The following DAAM2 variants were observed in gnomAD, a reference collection of about 807,000 sequenced individuals.
DAAM2 encodes disheveled-associated activator of morphogenesis 2.
A neutral mutation model predicts 120.7 loss-of-function variants in DAAM2; 39 were observed. That is an observed-to-expected ratio of 0.32 (90% CI 0.25 to 0.42). The LOEUF is 0.42. Among genes scored for constraint, DAAM2 ranks in the 10% least tolerant of loss-of-function variants. The probability of loss-of-function intolerance (pLI) is 1.00; values close to 1 mark genes in which losing one functional copy is unlikely to be tolerated. For synonymous variants in DAAM2, 488 were observed against 524.9 expected, an observed-to-expected ratio of 0.93 and a Z score of 0.96; for missense variants, 1,283 against 1,401.7, an observed-to-expected ratio of 0.92 and a Z score of 1.35.
Position 39,884,080 on chromosome 6 carries a change from A to C in DAAM2, c.1953+11A>C. 2 of 1,465,328 alleles carry C rather than the reference A, an allele frequency of 1.4e-6. No individual in the cohort carries two copies. The highest frequency in any genetic ancestry group is 1.9e-6 in the Non-Finnish European group (2 of 1,050,400). 90.8% of individuals were successfully genotyped at this position (1,465,328 alleles called of 1,614,324 possible). ...TACCAGAGGCACCAGGTAAGACCCT[A>C]TACCCTCTGGCCTCTTGGACCATAC... On this transcript the variant is annotated intron_variant, in intron 15 of 24. Transcript: ENST00000274867.
At position 39,896,960 on chromosome 6, in the gene DAAM2, C is replaced by T. The variant is rs768458774; in HGVS notation, c.2490C>T (p.Asp830=). 10 of 1,610,586 alleles carry T rather than the reference C, an allele frequency of 6.2e-6. No individual in the cohort carries two copies. Among genetic ancestry groups the T allele is most frequent in the South Asian group, 1.1e-5 (1 of 90,420 alleles). The change falls in exon 20 of 25, where the codon GAC becomes GAT. Residue 830 remains aspartate, a synonymous_variant. Transcript: ENST00000274867. Reference sequence around the variant, plus strand: ...TGGCCAGCCTCAACAAGATCGCTGACACCAAGTCCAGCATCGACAGGTGAG... The same window carrying T: ...TGGCCAGCCTCAACAAGATCGCTGATACCAAGTCCAGCATCGACAGGTGAG... The part of the protein sequence containing the change: ...FRVASLNKIA[D]TKSSIDRNIS...
intron 15 of DAAM2, chr6:39,886,472 C>A: frequency 2.5e-6 from 1 of 399,392 alleles, no homozygotes; most frequent in South Asian, 1.3e-4. Flanking sequence ...GGGCTCTGAC[C>A]ACTCCAACTT....
At chr6:39,870,796 G>A (rs1019496175) in intron 8 of DAAM2, among the ~76,000 whole-genome samples, 2 of 152,294 alleles carry the variant, frequency 1.3e-5, no homozygotes, top group African/African-American at 2.4e-5. Flanking sequence ...TAAATGTCCC[G>A]CAGTACCTTC....
Position 39,868,854 on chromosome 6 carries a change from G to C in DAAM2, c.794G>C (p.Gly265Ala). The C allele has an allele frequency of 6.3e-7, 1 of 1,586,376 alleles. No homozygotes were observed. The highest frequency in any genetic ancestry group is 8.6e-7 in the Non-Finnish European group (1 of 1,166,314). ...TLLNELDRSL[G>A]RYRDEVNLKT... ...CTGAACGAGCTAGACCGAAGTCTGGGCCGGTACCGGGATGAAGTGAATCTG... is the reference window on the plus strand; with the variant it reads ...CTGAACGAGCTAGACCGAAGTCTGGCCCGGTACCGGGATGAAGTGAATCTG... The change falls in exon 7 of 25, where the codon GGC (glycine) becomes GCC (alanine). Residue 265 changes from glycine (G) to alanine (A), a missense_variant. Physicochemically the swap from Gly to Ala is moderately conservative, Grantham distance 60. Around this residue, in one of 3 missense-constraint regions of DAAM2, gnomAD observed 338 missense variants for 443.9 expected, o/e 0.76. Coordinates refer to ENST00000274867, the MANE Select transcript of DAAM2 (RefSeq NM_001201427.2).
chr6:39,871,607 G>C (rs774758573), intron 9 of DAAM2, 35 bp downstream of exon 9: 1 of 1,538,722 alleles, frequency 6.5e-7, no homozygotes, highest in South Asian at 1.2e-5. Context: ...ATTGCAATGG[G>C]GTAGTAGGGT....
Position 39,879,587 on chromosome 6 carries a change from G to GT in DAAM2, c.1845+111dup, listed in dbSNP as rs764731004. Reference sequence around the variant, plus strand: ...ATCTCCACTCTGGGTCCTTTCTTTGGTGGGGGGTAAGGGCAGTCATGTGGA... The same window carrying GT: ...ATCTCCACTCTGGGTCCTTTCTTTGGTTGGGGGGTAAGGGCAGTCATGTGGA... On this transcript the variant is annotated intron_variant, in intron 14 of 24. Coordinates refer to ENST00000274867, the MANE Select transcript of DAAM2 (RefSeq NM_001201427.2). 122 of 1,463,466 alleles carry GT rather than the reference G, an allele frequency of 8.3e-5. 2 individuals are homozygous for GT. The South Asian group carries it at 1.3e-3, about 16-fold the overall frequency. 90.7% of individuals were successfully genotyped at this position (1,463,466 alleles called of 1,614,324 possible).
intron 19 of DAAM2, among the ~76,000 whole-genome samples, chr6:39,894,647 G>C (rs1765960890): frequency 6.6e-6 from 1 of 151,608 alleles, no homozygotes; most frequent in South Asian, 2.1e-4. Flanking sequence ...TTGAGACAGG[G>C]TCCTGCCCTG....
In DAAM2 at chr6:39,827,813, A is replaced by G. The variant is rs187382931; in HGVS notation, c.-56-28434A>G. ...AGAATTCAAGGGGTATAGTCCCTTC[A>G]TGTCTGAGCCCTGGAGTACTTCTTG... On this transcript the variant is annotated intron_variant, in intron 1 of 24. Coordinates refer to ENST00000274867, the MANE Select transcript of DAAM2 (RefSeq NM_001201427.2). Among the ~76,000 whole-genome samples the G allele has an allele frequency of 2.0e-5, 3 of 149,142 alleles. No individual in the cohort carries two copies. The East Asian group carries it at 5.9e-4, about 29-fold the overall frequency.
chr6:39,861,260 G>T (rs1262222571), intron 3 of DAAM2: 2 of 546,294 alleles, frequency 3.7e-6, no homozygotes, highest in Non-Finnish European at 6.8e-6. Flanking sequence ...TCCCAGGACT[G>T]GGGCTTGCTG....
chr6:39,831,198 A>G (rs1049277454), intron 1 of DAAM2, among the ~76,000 whole-genome samples: 1 of 152,176 alleles, frequency 6.6e-6, no homozygotes, highest in Admixed American at 6.5e-5. Flanking sequence ...CCCATGGAAT[A>G]TACATTCTTG....
intron 1 of DAAM2, among the ~76,000 whole-genome samples, chr6:39,817,648 G>A (rs1376885689): frequency 1.3e-5 from 2 of 152,176 alleles, no homozygotes; most frequent in Non-Finnish European, 2.9e-5. Flanking sequence ...TCCCATGGTT[G>A]TGGGACTGAC....
chr6:39,888,570 A>G (rs1765510718), intron 16 of DAAM2, 109 bp from the exon 17 acceptor site: 1 of 835,588 alleles, frequency 1.2e-6, no homozygotes, highest in Non-Finnish European at 1.9e-6. Context: ...GGGGAATACT[A>G]TTAAATATAT....
rs1167739136 is a variant in DAAM2 at position 39,904,166 on chromosome 6, G to A, written c.*2129G>A. 1.1e-5 allele frequency: 5 copies of A among 456,318 alleles called. No homozygotes were observed. Among genetic ancestry groups the A allele is most frequent in the Non-Finnish European group, 2.2e-5 (5 of 226,920 alleles). 28.3% of individuals were successfully genotyped at this position (456,318 alleles called of 1,614,324 possible). A position where few individuals can be genotyped will look rare whatever the true frequency, so the allele number is the denominator to read the frequency against. ...ACCTGGAAACAAAAGGACTATGGAA[G>A]CTGTTCAAGATACATTTGATCTTCA... On this transcript the variant is annotated 3_prime_UTR_variant, in exon 25 of 25. Transcript: ENST00000274867.
At chr6:39,817,130 G>A (rs553527367) in intron 1 of DAAM2, among the ~76,000 whole-genome samples, 1 of 152,276 alleles carries the variant, frequency 6.6e-6, no homozygotes, top group African/African-American at 2.4e-5. Context: ...TGGATTCTGG[G>A]TTAAGACTCC....
chr6:39,875,478 G>C lies in DAAM2; in HGVS notation c.1301+10G>C. 1.2e-6 allele frequency: 2 copies of C among 1,611,548 alleles called. No individual in the cohort carries two copies. The highest frequency in any genetic ancestry group is 1.7e-6 in the Non-Finnish European group (2 of 1,178,462). ...AGAACATCGTCAACATGTGAGCAGT[G>C]GCCAGCCTTTGCCCTGTCTTCCTCC... On this transcript the variant is annotated intron_variant, in intron 11 of 24. Coordinates refer to ENST00000274867, the MANE Select transcript of DAAM2 (RefSeq NM_001201427.2).
chr6:39,902,660 T>C lies in DAAM2; in HGVS notation c.*623T>C, dbSNP rs1464256643. On this transcript the variant is annotated 3_prime_UTR_variant, in exon 25 of 25. Coordinates refer to ENST00000274867, the MANE Select transcript of DAAM2 (RefSeq NM_001201427.2). ...GCCATCAGGACAGAGTAGCAGTGTC[T>C]GTTTCCCATGTCACAAGTCCTCTGG... is the stretch of plus-strand genomic sequence containing the variant. 1 of 152,336 alleles carries C rather than the reference T, an allele frequency of 6.6e-6. No individual in the cohort carries two copies. The highest frequency in any genetic ancestry group is 1.5e-5 in the Non-Finnish European group (1 of 68,124). The allele number at this position is 152,336 out of a possible 1,614,324, so 9.4% of individuals were successfully genotyped here. A position where few individuals can be genotyped will look rare whatever the true frequency, so the allele number is the denominator to read the frequency against.
At chr6:39,898,090 C>G (rs1250243128) in intron 21 of DAAM2, among the ~76,000 whole-genome samples, 4 of 152,124 alleles carry the variant, frequency 2.6e-5, no homozygotes, top group Admixed American at 1.3e-4. Flanking sequence ...GGAAGTGAGC[C>G]AGAGATAGAA....
At chr6:39,819,834 C>G (rs914523976) in intron 1 of DAAM2, 3 of 152,204 alleles carry the variant, frequency 2.0e-5, no homozygotes, top group African/African-American at 7.2e-5. Context: ...TCTGGGGTCT[C>G]TTTTATAAGG....
intron 1 of DAAM2, among the ~76,000 whole-genome samples, chr6:39,847,216 T>C (rs577685784): frequency 1.6e-4 from 24 of 152,348 alleles, no homozygotes; most frequent in Non-Finnish European, 2.8e-4. Flanking sequence ...GAATGCTTTT[T>C]GTGCTGGGAC....
Sources: allele counts gnomAD v4.1 joint callset (sites outside exome capture counted in the v4.1 genomes callset), GRCh38; gene constraint gnomAD v4.1.1; regional missense constraint gnomAD v4.1.1; transcripts MANE v1.5; gene names NCBI Gene and HGNC (gene_info 2026-07-23, HGNC 2026-07-21).